Variants in UBASH3A observed in about 807,000 individuals in gnomAD.
The protein encoded by UBASH3A is ubiquitin-associated and SH3 domain-containing protein A.
In UBASH3A, 63 loss-of-function variants were observed where a neutral mutation model predicts 73.5. The observed-to-expected ratio is 0.86, with a 90% CI of 0.70 to 1.06. UBASH3A has a LOEUF of 1.06. UBASH3A is among the 50% of genes least tolerant of loss of function. The pLI is 0.00. For synonymous variants in UBASH3A, 363 were observed against 351.1 expected (o/e 1.03, Z -0.38); for missense variants, 860 against 859.0 (o/e 1.00, Z -0.02).
At chr21:42,446,382 G>A (rs953897045) in intron 14 of UBASH3A, among the ~76,000 whole-genome samples, 24 of 152,168 alleles carry the variant, frequency 1.6e-4, no homozygotes, top group Admixed American at 5.2e-4. Flanking sequence ...ACCGCCCCTC[G>A]CCCACAGCCT....
chr21:42,418,294 T>A (rs9974660), intron 6 of UBASH3A, 107 bp from the exon 7 acceptor site: 126,264 of 923,962 alleles, frequency 0.14, 10,903 homozygotes, highest in African/African-American at 0.33. Context: ...ACAGAACACA[T>A]TGGAGGGGCA....
rs1038446256 is a variant in UBASH3A, at chr21:42,410,412, T to C, written c.354+804T>C. On this transcript the variant is annotated intron_variant, in intron 3 of 14. Coordinates refer to ENST00000319294, the MANE Select transcript of UBASH3A (RefSeq NM_018961.4). ...AATTCCATCAGGGCCCAAGGAACCC[T>C]CCATTCCAACACCAGGCCCCTCGGT... is the stretch of plus-strand genomic sequence containing the variant. The C allele has an allele frequency of 1.3e-5, 7 of 535,284 alleles. No individual in the cohort carries two copies. The East Asian group carries it at 1.8e-4, about 14-fold the overall frequency. The allele number at this position is 535,284 out of a possible 1,614,324, so 33.2% of individuals were successfully genotyped here. A position where few individuals can be genotyped will look rare whatever the true frequency, so the allele number is the denominator to read the frequency against.
Position 42,413,779 on chromosome 21 carries a change from A to G in UBASH3A, c.667+256A>G, listed in dbSNP as rs2053149228. On this transcript the variant is annotated intron_variant, in intron 5 of 14. Transcript: ENST00000319294. The surrounding 1 kb of genome is among the most constrained non-coding windows in gnomAD (Gnocchi z 4.5). ...CAAGTCCTACGTGACTTATTTCTGTATTTTCAGTATGAGCTTAGTGCTCTC... is the reference window on the plus strand; with the variant it reads ...CAAGTCCTACGTGACTTATTTCTGTGTTTTCAGTATGAGCTTAGTGCTCTC... Among the ~76,000 whole-genome samples, 1 of 152,050 alleles carries G rather than the reference A, an allele frequency of 6.6e-6. No individual in the cohort carries two copies. The highest frequency in any genetic ancestry group is 2.1e-4 in the South Asian group (1 of 4,820).
intron 7 of UBASH3A, among the ~76,000 whole-genome samples, chr21:42,420,028 T>G (rs1176974806): frequency 6.6e-6 from 1 of 152,146 alleles, no homozygotes; most frequent in Non-Finnish European, 1.5e-5. Flanking sequence ...TTGAAGAACA[T>G]CCACTGTTTG....
rs1314463948 is a variant in UBASH3A at position 42,442,463 on chromosome 21, G to A, written c.1498G>A (p.Glu500Lys). ...TCTGTTGAATCCAGAACTCAAACTG[G>A]AGAAAAAAATCAAGATACGAGTGGA... ...AKLILEELKL[E>K]KKIKIRVEPG... The change falls in exon 12 of 15, where the codon GAG (glutamate) becomes AAG (lysine). Residue 500 changes from glutamate (E) to lysine (K), a missense_variant. Coordinates refer to ENST00000319294, the MANE Select transcript of UBASH3A (RefSeq NM_018961.4). The A allele has an allele frequency of 1.9e-6, 3 of 1,613,682 alleles. No individual in the cohort carries two copies. Among genetic ancestry groups the A allele is most frequent in the Non-Finnish European group, 2.5e-6 (3 of 1,179,912 alleles).
chr21:42,428,210 ACTT>A (rs1401491058), intron 8 of UBASH3A, among the ~76,000 whole-genome samples: 1 of 152,120 alleles, frequency 6.6e-6, no homozygotes, highest in Non-Finnish European at 1.5e-5. Context: ...GGGAGAGTAA[ACTT>A]CTGCTGTGGA....
At chr21:42,435,661 G>A (rs2053613191) in intron 10 of UBASH3A, among the ~76,000 whole-genome samples, 1 of 152,168 alleles carries the variant, frequency 6.6e-6, no homozygotes, top group South Asian at 2.1e-4. Flanking sequence ...TAGAGTTATA[G>A]AGTTAGAGTT....
chr21:42,412,607 C>G (rs923587118), intron 3 of UBASH3A, among the ~76,000 whole-genome samples: 20 of 152,300 alleles, frequency 1.3e-4, no homozygotes, highest in African/African-American at 4.8e-4. Flanking sequence ...GTCCCGCTCA[C>G]TACAGGCTCT....
chr21:42,442,914 T>A (rs932095471), intron 12 of UBASH3A, among the ~76,000 whole-genome samples: 3 of 152,184 alleles, frequency 2.0e-5, no homozygotes, highest in Non-Finnish European at 4.4e-5. Flanking sequence ...TGGTAGAGGA[T>A]AAGGAACTTG....
At chr21:42,411,422 A>G (rs555055653) in intron 3 of UBASH3A, among the ~76,000 whole-genome samples, 8 of 152,148 alleles carry the variant, frequency 5.3e-5, no homozygotes, top group Middle Eastern at 3.4e-3. Flanking sequence ...ATGCACATAC[A>G]TAGACAAATG....
rs1012619345 is a variant in UBASH3A, at chr21:42,413,589, CATT to C, written c.667+69_667+71del. 23 of 1,218,954 alleles carry C rather than the reference CATT, an allele frequency of 1.9e-5. No homozygotes were observed. Among genetic ancestry groups the C allele is most frequent in the Admixed American group, 1.3e-4 (6 of 47,392 alleles). 75.5% of individuals were successfully genotyped at this position (1,218,954 alleles called of 1,614,324 possible). ...CTTTAGGCGGGAATAGCCTTGTTCT[CATT>C]ATGTGGTTTTTAAAATGCTTAGCTA... On this transcript the variant is annotated intron_variant, in intron 5 of 14. Transcript: ENST00000319294. This position sits in a 1 kb window ranked among gnomAD's most constrained non-coding sequence, Gnocchi z 4.5.
intron 14 of UBASH3A, among the ~76,000 whole-genome samples, chr21:42,446,464 T>C (rs1325985645): frequency 2.6e-5 from 4 of 152,192 alleles, no homozygotes; most frequent in Non-Finnish European, 1.5e-5. Flanking sequence ...CAGTTGGCAT[T>C]TTTGTAAATT....
chr21:42,406,896 G>A (rs2052988572), intron 2 of UBASH3A, among the ~76,000 whole-genome samples: 1 of 152,190 alleles, frequency 6.6e-6, no homozygotes, highest in South Asian at 2.1e-4. Context: ...GAGGATGTTT[G>A]TGTTTATTGA....
intron 11 of UBASH3A, among the ~76,000 whole-genome samples, chr21:42,438,962 C>T (rs939163485): frequency 6.6e-6 from 1 of 152,026 alleles, no homozygotes; most frequent in Non-Finnish European, 1.5e-5. Context: ...GCCGGGGCCA[C>T]GAGGGGCCGG....
chr21:42,432,029 G>C (rs892461674), intron 8 of UBASH3A, 74 bp from the exon 9 acceptor site: 5 of 851,726 alleles, frequency 5.9e-6, no homozygotes, highest in Non-Finnish European at 9.7e-6. Flanking sequence ...GTGACTGGGA[G>C]AGCTGCCATT....
Position 42,443,379 on chromosome 21 carries a change from G to A in UBASH3A, c.1699G>A (p.Ala567Thr), listed in dbSNP as rs573618388. The A allele has an allele frequency of 2.5e-5, 41 of 1,613,242 alleles. No homozygotes were observed. In the Admixed American group the frequency reaches 4.5e-4, roughly 18 times the overall value. The change falls in exon 13 of 15, where the codon GCG becomes ACG. Residue 567 changes from alanine to threonine, a missense_variant. Coordinates refer to ENST00000319294, the MANE Select transcript of UBASH3A (RefSeq NM_018961.4). The part of the protein sequence containing the change: ...SYQEYMDRCT[A>T]SMVQIVNTCP... ...CCAGGAGTACATGGACAGGTGCACGGCGAGCATGGTGCAAATCGTCAACAC... is the reference window on the plus strand; with the variant it reads ...CCAGGAGTACATGGACAGGTGCACGACGAGCATGGTGCAAATCGTCAACAC...
intron 8 of UBASH3A, 37 bp from the exon 9 acceptor site, chr21:42,432,066 A>C: frequency 7.3e-7 from 1 of 1,375,008 alleles, no homozygotes; most frequent in African/African-American, 1.4e-5. Flanking sequence ...GTTGGATGTT[A>C]AACTGCATGT....
At chr21:42,429,360 C>A (rs776959216) in intron 8 of UBASH3A, among the ~76,000 whole-genome samples, 8 of 152,180 alleles carry the variant, frequency 5.3e-5, no homozygotes, top group Non-Finnish European at 1.0e-4. Context: ...TGGTGCAGCC[C>A]TGCCTCATTC....
At position 42,423,957 on chromosome 21, in the gene UBASH3A, G is replaced by A. The variant is rs144139903; in HGVS notation, c.1047-2740G>A. ...ATGACGGGAGCTGTTGGACTCCACT[G>A]TGCTGGCTAAATCTTTTCAAACTGC... On this transcript the variant is annotated intron_variant, in intron 7 of 14. Coordinates refer to ENST00000319294, the MANE Select transcript of UBASH3A (RefSeq NM_018961.4). 8.5e-5 allele frequency among the ~76,000 whole-genome samples: 13 copies of A among 152,176 alleles called. No homozygotes were observed. In the East Asian group the frequency reaches 1.5e-3, roughly 18 times the overall value.
Sources: gnomAD v4.1 joint callset for allele counts (sites outside exome capture counted in the v4.1 genomes callset) on GRCh38, gnomAD v4.1.1 for gene constraint, Gnocchi (gnomAD v3.1) non-coding constraint, MANE v1.5 for transcripts, NCBI Gene and HGNC (gene_info 2026-07-23, HGNC 2026-07-21) for gene names.